TAF2: variants seen among roughly 807,000 people sequenced by gnomAD.
The protein encoded by TAF2 is TATA-box binding protein associated factor 2, also known as transcription initiation factor TFIID subunit 2.
TAF2 carries 61 observed loss-of-function variants against 138.5 expected under a neutral mutation model. The ratio of observed to expected loss-of-function variants is 0.44; its 90% CI spans 0.36 to 0.54. The LOEUF is 0.54. Among genes scored for constraint, TAF2 ranks in the 20% least tolerant of loss-of-function variants. The probability of loss-of-function intolerance (pLI) is 0.00; values close to 1 mark genes in which losing one functional copy is unlikely to be tolerated. For synonymous variants in TAF2, 475 were observed against 469.9 expected, an observed-to-expected ratio of 1.01 and a Z score of -0.14; for missense variants, 1,090 against 1,427.9, an observed-to-expected ratio of 0.76 and a Z score of 3.81.
At position 119,804,510 on chromosome 8, in the gene TAF2, T is replaced by C. The variant is rs1289528656; in HGVS notation, c.419-491A>G. Among the ~76,000 whole-genome samples the C allele has an allele frequency of 5.9e-5, 9 of 152,178 alleles. 1 individual carries two copies. Among genetic ancestry groups the C allele is most frequent in the East Asian group, 3.9e-4 (2 of 5,192 alleles). On this transcript the variant is annotated intron_variant, in intron 4 of 25. Transcript: ENST00000378164. ...AGTCTTTCCCTTGCTGTTCTTGTGA[T>C]AGTGAATAAGTGTCACAAGATCTGA... is the stretch of plus-strand genomic sequence containing the variant.
chr8:119,752,203 A>G (rs920657410), intron 22 of TAF2, among the ~76,000 whole-genome samples: 12 of 152,190 alleles, frequency 7.9e-5, no homozygotes, highest in Admixed American at 2.0e-4. Context: ...AAAATTTTAG[A>G]AACAAAATGC....
Position 119,783,550 on chromosome 8 carries a change from A to G in TAF2, c.1943T>C (p.Met648Thr). Residue 648 changes from methionine (M) to threonine (T), a missense_variant, in exon 16 of 26, where the codon ATG becomes ACG. Coordinates refer to ENST00000378164, the MANE Select transcript of TAF2 (RefSeq NM_003184.4). Reference protein sequence around the residue: ...RKVEFEQADFMWQYQLRYERD... With the variant: ...RKVEFEQADFTWQYQLRYERD... The stretch of plus-strand genomic sequence containing the variant: ...CTCATAGCGGAGCTGATACTGCCAC[A>G]TAAAATCAGCTTGCTCAAATTCTAC... 1.2e-6 allele frequency: 2 copies of G among 1,614,186 alleles called. No individual in the cohort carries two copies. Among genetic ancestry groups the G allele is most frequent in the Non-Finnish European group, 1.7e-6 (2 of 1,180,026 alleles).
chr8:119,747,544 T>C (rs1307162558), intron 22 of TAF2, among the ~76,000 whole-genome samples: 1 of 152,206 alleles, frequency 6.6e-6, no homozygotes. Context: ...TTTCCATTTC[T>C]CTGAGTCTCA....
At chr8:119,777,668 C>G (rs1822350308) in intron 18 of TAF2, among the ~76,000 whole-genome samples, 1 of 152,142 alleles carries the variant, frequency 6.6e-6, no homozygotes, top group Non-Finnish European at 1.5e-5. Context: ...TTCTAGGTAT[C>G]ATTAGGTGAA....
chr8:119,795,376 T>C (rs544574333), intron 9 of TAF2, among the ~76,000 whole-genome samples, 156 bp downstream of exon 9: 2 of 152,304 alleles, frequency 1.3e-5, no homozygotes, highest in African/African-American at 2.4e-5. Flanking sequence ...CAATGGAGAT[T>C]AGATAAAATA....
chr8:119,803,808 G>T, intron 5 of TAF2, 70 bp downstream of exon 5: 1 of 1,385,656 alleles, frequency 7.2e-7, no homozygotes, highest in Non-Finnish European at 1.0e-6. Flanking sequence ...TACACCAAAT[G>T]TATGTCTTGC....
intron 22 of TAF2, among the ~76,000 whole-genome samples, chr8:119,754,097 A>AT (rs1442437394): frequency 6.6e-6 from 1 of 152,142 alleles, no homozygotes; most frequent in Non-Finnish European, 1.5e-5. Context: ...TTTATGTGTT[A>AT]TTTTCTAAAG....
In TAF2 at chr8:119,736,196, A is replaced by AT. The variant is rs749694631; in HGVS notation, c.3338-4011dup. On this transcript the variant is annotated intron_variant, in intron 25 of 25. Transcript: ENST00000378164. ...TACAACCACTTCAAAAGTGAATCCAATTTTTTGTCTAGACAGTAGCCTTAC... is the reference window on the plus strand; with the variant it reads ...TACAACCACTTCAAAAGTGAATCCAATTTTTTTGTCTAGACAGTAGCCTTAC... Among the ~76,000 whole-genome samples, 68 of 152,306 alleles carry AT rather than the reference A, an allele frequency of 4.5e-4. 1 individual carries two copies. Among genetic ancestry groups the AT allele is most frequent in the South Asian group, 1.2e-3 (6 of 4,828 alleles).
At chr8:119,775,024 T>C (rs998819850) in intron 18 of TAF2, among the ~76,000 whole-genome samples, 6 of 151,844 alleles carry the variant, frequency 4.0e-5, no homozygotes, top group African/African-American at 1.5e-4. Flanking sequence ...CTCACACCTG[T>C]AATATCAGCA....
At chr8:119,767,516 C>T (rs1821516106) in intron 18 of TAF2, among the ~76,000 whole-genome samples, 1 of 152,166 alleles carries the variant, frequency 6.6e-6, no homozygotes, top group Non-Finnish European at 1.5e-5. Context: ...CCTCTTGGCC[C>T]CTCAGGCTTC....
At chr8:119,783,281 C>A in intron 16 of TAF2, 100 bp downstream of exon 16, 1 of 1,432,688 alleles carries the variant, frequency 7.0e-7, no homozygotes, top group South Asian at 1.4e-5. Context: ...AAAGAATCAG[C>A]TACCAAGTAA....
intron 12 of TAF2, among the ~76,000 whole-genome samples, chr8:119,789,159 T>C (rs1008797634): frequency 5.9e-5 from 9 of 152,194 alleles, no homozygotes; most frequent in East Asian, 5.8e-4. Flanking sequence ...AAGTTATTAA[T>C]AGTGTTTTAA....
intron 3 of TAF2, among the ~76,000 whole-genome samples, chr8:119,814,722 T>A (rs1319578089): frequency 1.6e-5 from 2 of 126,618 alleles, no homozygotes; most frequent in East Asian, 4.4e-4. Flanking sequence ...TGAAACCCTG[T>A]CTCTACCAAA....
chr8:119,742,396 G>T, intron 25 of TAF2, 138 bp downstream of exon 25: 1 of 1,034,084 alleles, frequency 9.7e-7, no homozygotes. Flanking sequence ...GACAATATAA[G>T]CTCAATGTAT....
intron 23 of TAF2, 50 bp from the exon 24 acceptor site, chr8:119,744,443 TTATGTTTGGA>T (rs1819813349): frequency 6.6e-7 from 1 of 1,513,598 alleles, no homozygotes; most frequent in Non-Finnish European, 9.1e-7. Flanking sequence ...TTACATCATG[TTATGTTTGGA>T]TATTAGCTCT....
At chr8:119,823,892 T>C (rs1471187062) in intron 2 of TAF2, among the ~76,000 whole-genome samples, 1 of 152,180 alleles carries the variant, frequency 6.6e-6, no homozygotes, top group Admixed American at 6.5e-5. Flanking sequence ...GATGAGAAAC[T>C]TGTTGGGAAC....
intron 24 of TAF2, among the ~76,000 whole-genome samples, chr8:119,744,016 C>A (rs910055248): frequency 5.9e-5 from 9 of 152,006 alleles, no homozygotes; most frequent in African/African-American, 1.9e-4. Flanking sequence ...CATACACACA[C>A]AAAAGAGAAA....
At chr8:119,770,228 T>C (rs1404269278) in intron 18 of TAF2, among the ~76,000 whole-genome samples, 2 of 151,700 alleles carry the variant, frequency 1.3e-5, no homozygotes, top group South Asian at 2.1e-4. Flanking sequence ...ATTACAGTGA[T>C]AGATATCCAG....
intron 25 of TAF2, among the ~76,000 whole-genome samples, chr8:119,736,748 G>A (rs1488758667): frequency 6.6e-6 from 1 of 152,108 alleles, no homozygotes; most frequent in African/African-American, 2.4e-5. Flanking sequence ...ATCTATAGTG[G>A]TTAACCTCAA....
Sources: gnomAD v4.1 joint callset for allele counts (sites outside exome capture counted in the v4.1 genomes callset) on GRCh38, gnomAD v4.1.1 for gene constraint, MANE v1.5 for transcripts, NCBI Gene and HGNC (gene_info 2026-07-23, HGNC 2026-07-21) for gene names.